The following PCMTD1 variants were observed in gnomAD, a reference collection of about 807,000 sequenced individuals.
PCMTD1 encodes protein-L-isoaspartate O-methyltransferase domain-containing protein 1.
In PCMTD1, 12 loss-of-function variants were observed where a neutral mutation model predicts 37.6. That is an observed-to-expected ratio of 0.32 (90% confidence interval 0.20 to 0.52). The LOEUF (loss-of-function observed/expected upper bound fraction) is 0.52. PCMTD1 is among the 20% of genes least tolerant of loss of function. The probability of loss-of-function intolerance (pLI) is 0.97; values close to 1 mark genes in which losing one functional copy is unlikely to be tolerated. For missense variants in PCMTD1, 235 were observed against 421.3 expected (o/e 0.56, Z 3.87); for synonymous variants, 117 against 135.8 (o/e 0.86, Z 0.96).
chr8:51,846,315 TAC>T (rs1294227617), intron 2 of PCMTD1, among the ~76,000 whole-genome samples: 1 of 152,176 alleles, frequency 6.6e-6, no homozygotes, highest in Non-Finnish European at 1.5e-5. Context: ...CAGCATCTTT[TAC>T]ACTTCTCACT....
chr8:51,898,861 C>G, intron 1 of PCMTD1, 69 bp downstream of exon 1: 1 of 1,238,258 alleles, frequency 8.1e-7, no homozygotes, highest in Non-Finnish European at 1.0e-6. Flanking sequence ...ATCCCAGTCG[C>G]CCGCCCGGCC....
At position 51,855,089 on chromosome 8, in the gene PCMTD1, G is replaced by C. The variant is rs376742764; in HGVS notation, c.307+5756C>G. On this transcript the variant is annotated intron_variant, in intron 2 of 5. Transcript: ENST00000522514. ...CTAGGGAGGCTGAGGCAGGAGAATAGCTTGAACGTGGAAGGCGGAGGTTGC... is the reference window on the plus strand; with the variant it reads ...CTAGGGAGGCTGAGGCAGGAGAATACCTTGAACGTGGAAGGCGGAGGTTGC... Among the ~76,000 whole-genome samples the C allele has an allele frequency of 4.7e-5, 7 of 150,194 alleles. No homozygotes were observed. In the East Asian group the frequency reaches 1.2e-3, roughly 25 times the overall value.
chr8:51,852,520 T>C (rs1179830646), intron 2 of PCMTD1, among the ~76,000 whole-genome samples: 2 of 152,194 alleles, frequency 1.3e-5, no homozygotes, highest in Non-Finnish European at 2.9e-5. Flanking sequence ...CAACAAACAT[T>C]TTCCTTTTAT....
chr8:51,830,149 C>G (rs1307831135), intron 5 of PCMTD1, among the ~76,000 whole-genome samples: 1 of 152,112 alleles, frequency 6.6e-6, no homozygotes, highest in Non-Finnish European at 1.5e-5. Flanking sequence ...GCCCCTCCTT[C>G]GCTAATCCAT....
At chr8:51,831,318 TA>T in intron 5 of PCMTD1, 125 bp downstream of exon 5, 1 of 964,464 alleles carries the variant, frequency 1.0e-6, no homozygotes, top group African/African-American at 1.7e-5. Context: ...AAAAGTTGAA[TA>T]AATCCACCAA....
intron 1 of PCMTD1, 122 bp downstream of exon 1, chr8:51,898,808 A>T (rs1344324266): frequency 1.2e-6 from 1 of 867,494 alleles, no homozygotes; most frequent in Non-Finnish European, 1.4e-6. Context: ...CCTGCCCCCG[A>T]CTCTTCGGCT....
intron 1 of PCMTD1, among the ~76,000 whole-genome samples, chr8:51,887,347 T>C (rs2038878449): frequency 6.6e-6 from 1 of 152,164 alleles, no homozygotes; most frequent in South Asian, 2.1e-4. Context: ...TTAAAATGTA[T>C]ACCGGCAGCC....
At chr8:51,865,944 C>G (rs1316464604) in intron 1 of PCMTD1, among the ~76,000 whole-genome samples, 3 of 151,552 alleles carry the variant, frequency 2.0e-5, no homozygotes, top group Admixed American at 2.0e-4. Context: ...ACTATTAGAA[C>G]TGCTAAACAA....
chr8:51,848,674 C>T (rs909813501), intron 2 of PCMTD1, among the ~76,000 whole-genome samples: 5 of 152,198 alleles, frequency 3.3e-5, no homozygotes, highest in East Asian at 1.9e-4. Flanking sequence ...ACTTGTTTTT[C>T]ATACTACCTT....
intron 2 of PCMTD1, among the ~76,000 whole-genome samples, chr8:51,860,220 T>C (rs1232354168): frequency 6.6e-6 from 1 of 152,232 alleles, no homozygotes; most frequent in Non-Finnish European, 1.5e-5. Context: ...TTAGGAACAC[T>C]GAATGAGTTA....
At chr8:51,871,955 T>C (rs543617200) in intron 1 of PCMTD1, among the ~76,000 whole-genome samples, 1 of 152,220 alleles carries the variant, frequency 6.6e-6, no homozygotes, top group East Asian at 1.9e-4. Context: ...AGTTTTAAGA[T>C]GCCTATATTC....
intron 1 of PCMTD1, among the ~76,000 whole-genome samples, chr8:51,872,246 A>C (rs1042377850): frequency 3.9e-5 from 6 of 152,162 alleles, no homozygotes; most frequent in African/African-American, 1.4e-4. Flanking sequence ...TTTCAAACCT[A>C]TATTACCACA....
At chr8:51,847,914 C>A (rs1041726112) in intron 2 of PCMTD1, among the ~76,000 whole-genome samples, 6 of 76,970 alleles carry the variant, frequency 7.8e-5, no homozygotes, top group Non-Finnish European at 9.7e-5. Flanking sequence ...TTCGTCTCTA[C>A]AATAAACTAA....
chr8:51,889,195 C>T (rs2038905033), intron 1 of PCMTD1, among the ~76,000 whole-genome samples: 1 of 152,160 alleles, frequency 6.6e-6, no homozygotes, highest in Non-Finnish European at 1.5e-5. Context: ...ACGGATATTG[C>T]TTCTAGGTTA....
intron 1 of PCMTD1, among the ~76,000 whole-genome samples, chr8:51,881,255 G>T (rs78775674): frequency 3.6e-5 from 1 of 27,676 alleles, no homozygotes; most frequent in African/African-American, 4.0e-5. Context: ...GCCTGTGTTG[G>T]TGGTGCCACT....
chr8:51,851,347 G>C (rs1585813856), intron 2 of PCMTD1, among the ~76,000 whole-genome samples: 1 of 152,282 alleles, frequency 6.6e-6, no homozygotes, highest in South Asian at 2.1e-4. Context: ...GTTTACATAA[G>C]ATCTCAAAGT....
At chr8:51,847,528 G>A (rs907264742) in intron 2 of PCMTD1, among the ~76,000 whole-genome samples, 8 of 152,086 alleles carry the variant, frequency 5.3e-5, no homozygotes, top group African/African-American at 1.9e-4. Flanking sequence ...TTGGGAGGCT[G>A]AGGCTTGAGA....
At chr8:51,899,069 A>G, upstream of PCMTD1, 1 of 1,500,350 alleles carries the variant, frequency 6.7e-7, no homozygotes, top group South Asian at 1.3e-5. Context: ...CGACTGGAGC[A>G]GCCAGAGCCT....
At chr8:51,867,303 C>A (rs930319572) in intron 1 of PCMTD1, among the ~76,000 whole-genome samples, 30 of 151,952 alleles carry the variant, frequency 2.0e-4, no homozygotes, top group Non-Finnish European at 3.8e-4. Context: ...CTAAAATCAG[C>A]ATTATCTTAT....
Sources: allele counts gnomAD v4.1 joint callset (sites outside exome capture counted in the v4.1 genomes callset), GRCh38; gene constraint gnomAD v4.1.1; transcripts MANE v1.5; gene names NCBI Gene and HGNC (gene_info 2026-07-23, HGNC 2026-07-21).